IL1RAPL1: variants seen among roughly 807,000 people sequenced by gnomAD.
IL1RAPL1 encodes the protein interleukin 1 receptor accessory protein like 1, also known as interleukin-1 receptor accessory protein-like 1.
In IL1RAPL1, 3 loss-of-function variants were observed where a neutral mutation model predicts 48.4. The ratio of observed to expected loss-of-function variants is 0.06; its 90% CI spans 0.03 to 0.16. The LOEUF is 0.16. Among genes scored for constraint, IL1RAPL1 ranks in the 10% least tolerant of loss-of-function variants. The pLI is 1.00. For missense variants in IL1RAPL1, 349 were observed against 530.6 expected (o/e 0.66, Z 3.36); for synonymous variants, 185 against 187.7 (o/e 0.99, Z 0.12).
At chrX:29,336,812 G>A (rs1029218815) in intron 3 of IL1RAPL1, among the ~76,000 whole-genome samples, 5 of 111,638 alleles carry the variant, frequency 4.5e-5, no homozygotes, top group Non-Finnish European at 9.4e-5. Context: ...TTTCCTCCAG[G>A]TACAGGGCAA....
chrX:29,119,334 A>G (rs1348147412), intron 2 of IL1RAPL1, among the ~76,000 whole-genome samples: 1 of 111,480 alleles, frequency 9.0e-6, no homozygotes, highest in Non-Finnish European at 1.9e-5. Context: ...CAAAATTAAA[A>G]GATCATTTCA....
intron 3 of IL1RAPL1, among the ~76,000 whole-genome samples, chrX:29,284,015 G>A (rs1932243871): frequency 8.9e-6 from 1 of 112,728 alleles, no homozygotes; most frequent in Admixed American, 9.4e-5. Context: ...TAGAACATTA[G>A]CGAAGCTGGG....
At chrX:29,388,437 C>T (rs1043183265) in intron 3 of IL1RAPL1, among the ~76,000 whole-genome samples, 4 of 111,475 alleles carry the variant, frequency 3.6e-5, no homozygotes, top group African/African-American at 6.5e-5. Context: ...AGATATATAC[C>T]GAAAAGAATT....
At chrX:29,791,108 T>C (rs181140176) in intron 6 of IL1RAPL1, among the ~76,000 whole-genome samples, 37 of 110,968 alleles carry the variant, frequency 3.3e-4, no homozygotes, top group Non-Finnish European at 6.2e-4. Context: ...AGAAACCATC[T>C]TGCCCGATGT....
chrX:29,805,514 C>G (rs1930235602), intron 6 of IL1RAPL1, among the ~76,000 whole-genome samples: 1 of 111,058 alleles, frequency 9.0e-6, no homozygotes, highest in African/African-American at 3.3e-5. Context: ...TATGCCAGGC[C>G]TGAATGAGTC....
At chrX:29,077,699 G>A (rs750954556) in intron 2 of IL1RAPL1, among the ~76,000 whole-genome samples, 1 of 111,436 alleles carries the variant, frequency 9.0e-6, no homozygotes, top group East Asian at 2.8e-4. Context: ...TATAGTGAGA[G>A]CATATGAAAG....
chrX:28,649,852 CA>C (rs1934663128), intron 1 of IL1RAPL1, among the ~76,000 whole-genome samples: 1 of 111,952 alleles, frequency 8.9e-6, no homozygotes, highest in South Asian at 3.7e-4. Context: ...TACCAGAAAG[CA>C]CTCACATGTG....
chrX:28,899,763 G>A (rs963919022), intron 2 of IL1RAPL1, among the ~76,000 whole-genome samples: 1 of 111,633 alleles, frequency 9.0e-6, no homozygotes, highest in Non-Finnish European at 1.9e-5. Flanking sequence ...TCTATCAGCT[G>A]TGGCTAGGGG....
chrX:29,146,127 C>G (rs1487089181), intron 2 of IL1RAPL1, among the ~76,000 whole-genome samples: 1 of 111,682 alleles, frequency 9.0e-6, no homozygotes, highest in African/African-American at 3.3e-5. Flanking sequence ...CCGTAAGGCC[C>G]CAGAAAGACT....
At chrX:29,036,654 C>T (rs367851944) in intron 2 of IL1RAPL1, among the ~76,000 whole-genome samples, 7 of 111,712 alleles carry the variant, frequency 6.3e-5, no homozygotes, top group African/African-American at 2.3e-4. Context: ...TTTGAATAAG[C>T]ATTGGGAATT....
intron 3 of IL1RAPL1, among the ~76,000 whole-genome samples, chrX:29,385,181 G>T (rs774465660): frequency 8.9e-6 from 1 of 112,063 alleles, no homozygotes. Context: ...ACCCATGGGC[G>T]CAGTGGCTCA....
intron 1 of IL1RAPL1, among the ~76,000 whole-genome samples, chrX:28,612,394 C>T (rs1356164616): frequency 2.7e-5 from 3 of 111,798 alleles, no homozygotes; most frequent in Admixed American, 9.5e-5. Flanking sequence ...CCAGGGACCC[C>T]GGGCGGGGCG....
At chrX:29,027,654 A>G (rs1210210687) in intron 2 of IL1RAPL1, among the ~76,000 whole-genome samples, 1 of 111,678 alleles carries the variant, frequency 9.0e-6, no homozygotes, top group East Asian at 2.8e-4. Flanking sequence ...TATTCCCACC[A>G]GCAATTAATT....
chrX:29,667,449 A>G (rs999505337), intron 5 of IL1RAPL1, among the ~76,000 whole-genome samples: 1 of 112,181 alleles, frequency 8.9e-6, no homozygotes. Context: ...AGGAAGAAAG[A>G]AAGCCCTCAA....
At chrX:29,764,708 T>A (rs1006074139) in intron 6 of IL1RAPL1, among the ~76,000 whole-genome samples, 3 of 112,304 alleles carry the variant, frequency 2.7e-5, no homozygotes, top group African/African-American at 9.7e-5. Context: ...CATATTTAGC[T>A]GTAGTGTTGA....
chrX:29,869,359 C>G (rs779766402), intron 6 of IL1RAPL1, among the ~76,000 whole-genome samples: 2 of 111,517 alleles, frequency 1.8e-5, no homozygotes, highest in East Asian at 5.7e-4. Context: ...GGAGACTTTA[C>G]GAAAGGTAGG....
chrX:29,473,600 C>A (rs1425147475), intron 5 of IL1RAPL1, among the ~76,000 whole-genome samples: 1 of 91,928 alleles, frequency 1.1e-5, no homozygotes, highest in Non-Finnish European at 2.2e-5. Context: ...CGCCCCCCAC[C>A]CCCCACGACC....
At chrX:29,389,374 A>AAG (rs1340253614) in intron 3 of IL1RAPL1, among the ~76,000 whole-genome samples, 6 of 101,982 alleles carry the variant, frequency 5.9e-5, no homozygotes, top group African/African-American at 2.1e-4. Context: ...AAAAAAAAAA[A>AAG]GGTTAAAACG....
chrX:29,686,275 T>C (rs1926613814), intron 6 of IL1RAPL1, among the ~76,000 whole-genome samples: 1 of 111,136 alleles, frequency 9.0e-6, no homozygotes, highest in Non-Finnish European at 1.9e-5. Context: ...AAATAACATG[T>C]TTTAATTGTT....
Sources: allele counts gnomAD v4.1 joint callset (sites outside exome capture counted in the v4.1 genomes callset), GRCh38; gene constraint gnomAD v4.1.1; transcripts MANE v1.5; gene names NCBI Gene and HGNC (gene_info 2026-07-23, HGNC 2026-07-21).